The following ACOT9 variants were observed in gnomAD, a reference collection of about 807,000 sequenced individuals.
ACOT9 encodes the protein acyl-coenzyme A thioesterase 9, mitochondrial.
Under a neutral mutation model 39.7 loss-of-function variants are expected in ACOT9, and 34 were observed. That is an observed-to-expected ratio of 0.86 (90% CI 0.65 to 1.14). The LOEUF is 1.14. Among genes scored for constraint, ACOT9 ranks in the 50% most tolerant of loss-of-function variants. The probability of loss-of-function intolerance (pLI) is 0.00; values close to 1 mark genes in which losing one functional copy is unlikely to be tolerated. For synonymous variants in ACOT9, 110 were observed against 120.5 expected (o/e 0.91, Z 0.57); for missense variants, 313 against 344.1 (o/e 0.91, Z 0.71).
At position 23,701,537 on chromosome X, in the gene ACOT9, A is replaced by G. The variant is rs1928484844; in HGVS notation, c.*2357T>C. Among the ~76,000 whole-genome samples, 1 of 111,450 alleles carries G rather than the reference A, an allele frequency of 9.0e-6. No homozygotes were observed. The highest frequency in any genetic ancestry group is 3.8e-4 in the South Asian group (1 of 2,637). On this transcript the variant is annotated 3_prime_UTR_variant, in exon 16 of 16. Coordinates refer to ENST00000379303, the MANE Select transcript of ACOT9 (RefSeq NM_001037171.2). Reference sequence around the variant, plus strand: ...GTCACCCAGACTGGAGTGCAGTGGCATGATCATAGCTCACTGCAGACTCAA... The same window carrying G: ...GTCACCCAGACTGGAGTGCAGTGGCGTGATCATAGCTCACTGCAGACTCAA...
At chrX:23,736,230 A>G (rs1261730819) in intron 1 of ACOT9, among the ~76,000 whole-genome samples, 1 of 112,225 alleles carries the variant, frequency 8.9e-6, no homozygotes, top group Non-Finnish European at 1.9e-5. Flanking sequence ...GAGAGCAGAG[A>G]CCAATTAGGT....
chrX:23,731,054 G>C, intron 4 of ACOT9, 68 bp from the exon 5 acceptor site: 4 of 945,409 alleles, frequency 4.2e-6, no homozygotes, highest in Non-Finnish European at 5.8e-6. Flanking sequence ...GTGGTACACA[G>C]GCCAGTAAGA....
chrX:23,715,020 C>T (rs1363448215), intron 8 of ACOT9, among the ~76,000 whole-genome samples: 3 of 111,231 alleles, frequency 2.7e-5, no homozygotes, highest in African/African-American at 9.8e-5. Context: ...GGGTTCCCTC[C>T]TCAATAAATG....
intron 8 of ACOT9, among the ~76,000 whole-genome samples, chrX:23,717,969 T>G (rs989904192): frequency 1.8e-5 from 2 of 109,552 alleles, no homozygotes; most frequent in African/African-American, 6.7e-5. Flanking sequence ...GCACTTGTAA[T>G]CTCAGCTACT....
At chrX:23,720,349 A>G (rs927666612) in intron 8 of ACOT9, among the ~76,000 whole-genome samples, 1 of 112,141 alleles carries the variant, frequency 8.9e-6, no homozygotes, top group Non-Finnish European at 1.9e-5. Flanking sequence ...CCAAAAAGAC[A>G]TGTGGAAATC....
chrX:23,704,750 T>C lies in ACOT9; in HGVS notation c.1202A>G (p.His401Arg). The change falls in exon 15 of 16, where the codon CAT (histidine) becomes CGT (arginine). Residue 401 changes from histidine to arginine, a missense_variant. Physicochemically the swap from His to Arg is conservative, Grantham distance 29 (BLOSUM62 0). Coordinates refer to ENST00000379303, the MANE Select transcript of ACOT9 (RefSeq NM_001037171.2). ...EKQHTTTNVF[H>R]FTFMSEKEVP... is the part of the protein sequence containing the mutation. ...TTCTTTTTCCGACATGAACGTGAAA[T>C]GAAAGACATTGGTGGTTGTATGCTG... 8.3e-7 allele frequency: 1 copy of C among 1,211,328 alleles called. No individual in the cohort carries two copies. The highest frequency in any genetic ancestry group is 1.8e-5 in the South Asian group (1 of 56,981).
At chrX:23,733,031 C>T in intron 4 of ACOT9, 141 bp downstream of exon 4, 1 of 481,369 alleles carries the variant, frequency 2.1e-6, no homozygotes, top group East Asian at 3.8e-5. Context: ...TGTTGACCTT[C>T]TCCCCCAAGC....
intron 6 of ACOT9, among the ~76,000 whole-genome samples, chrX:23,723,067 CAT>C (rs921989576): frequency 2.7e-5 from 3 of 111,489 alleles, no homozygotes; most frequent in African/African-American, 9.8e-5. Context: ...GAACTCAGCA[CAT>C]GAGTCTGACA....
At chrX:23,722,111 T>G (rs1276055101) in intron 7 of ACOT9, 127 bp from the exon 8 acceptor site, 2 of 400,565 alleles carry the variant, frequency 5.0e-6, no homozygotes, top group Admixed American at 1.0e-4. Flanking sequence ...AAAATAACTT[T>G]TTTGACACGC....
At chrX:23,739,081 A>G (rs1187724185) in intron 1 of ACOT9, among the ~76,000 whole-genome samples, 2 of 111,504 alleles carry the variant, frequency 1.8e-5, no homozygotes, top group Non-Finnish European at 3.8e-5. Flanking sequence ...AATATGGTGA[A>G]ACCCCGTCTC....
rs999462723 is a variant in ACOT9, at chrX:23,702,864, A to T, written c.*1030T>A. The T allele has an allele frequency of 4.5e-5, 5 of 112,184 alleles. No homozygotes were observed. The highest frequency in any genetic ancestry group is 1.6e-4 in the African/African-American group (5 of 30,903). 9.2% of individuals were successfully genotyped at this position (112,184 alleles called of 1,213,427 possible). A position where few individuals can be genotyped will look rare whatever the true frequency, so the allele number is the denominator to read the frequency against. On this transcript the variant is annotated 3_prime_UTR_variant, in exon 16 of 16. Coordinates refer to ENST00000379303, the MANE Select transcript of ACOT9 (RefSeq NM_001037171.2). ...CTGCCAAGGGCTGAGGATGGTGCCT[A>T]TCTAGCACATGGCAATGCTCCATAA...
At chrX:23,717,011 C>T (rs191907057) in intron 8 of ACOT9, among the ~76,000 whole-genome samples, 215 of 111,521 alleles carry the variant, frequency 1.9e-3, no homozygotes, top group African/African-American at 6.3e-3. Flanking sequence ...CGTGGCACCA[C>T]CCCCAGCTAA....
At chrX:23,723,768 C>T (rs1278467539) in intron 6 of ACOT9, among the ~76,000 whole-genome samples, 2 of 110,726 alleles carry the variant, frequency 1.8e-5, no homozygotes, top group African/African-American at 3.3e-5. Flanking sequence ...TGCTAAAGGA[C>T]ACACTGGGGG....
chrX:23,722,040 A>G, intron 7 of ACOT9, 56 bp from the exon 8 acceptor site: 1 of 797,169 alleles, frequency 1.3e-6, no homozygotes. Context: ...TCTGTTCTGT[A>G]AATATGAACA....
At chrX:23,739,823 C>T (rs1205209100) in intron 1 of ACOT9, among the ~76,000 whole-genome samples, 2 of 109,943 alleles carry the variant, frequency 1.8e-5, no homozygotes, top group Non-Finnish European at 3.8e-5. Flanking sequence ...ATAGCCTAAG[C>T]CAGGCACTAT....
intron 1 of ACOT9, among the ~76,000 whole-genome samples, chrX:23,737,439 CA>C (rs920609185): frequency 9.0e-6 from 1 of 111,329 alleles, no homozygotes; most frequent in African/African-American, 3.3e-5. Flanking sequence ...TGACTAACAA[CA>C]AAAAAAAGAG....
chrX:23,721,770 G>A, intron 8 of ACOT9, 111 bp downstream of exon 8: 1 of 541,735 alleles, frequency 1.8e-6, no homozygotes, highest in South Asian at 3.7e-5. Context: ...TGTTTTTCTA[G>A]AAGCAGTGAG....
chrX:23,739,658 A>G (rs1205877466), intron 1 of ACOT9, among the ~76,000 whole-genome samples: 1 of 110,946 alleles, frequency 9.0e-6, no homozygotes. Context: ...AGTCAGGCGT[A>G]GTGGTGCACA....
At chrX:23,733,241 T>C in intron 3 of ACOT9, 24 bp from the exon 4 acceptor site, 1 of 1,193,225 alleles carries the variant, frequency 8.4e-7, no homozygotes. Context: ...AAAGAGGTCA[T>C]TCCATGAAAC....
Sources: allele counts gnomAD v4.1 joint callset (sites outside exome capture counted in the v4.1 genomes callset), GRCh38; gene constraint gnomAD v4.1.1; transcripts MANE v1.5; gene names NCBI Gene and HGNC (gene_info 2026-07-23, HGNC 2026-07-21).